Variants in PEDS1 observed in about 807,000 individuals in gnomAD.
The protein encoded by PEDS1 is CarF homolog.
In PEDS1, 14 loss-of-function variants were observed where a neutral mutation model predicts 35.2. The observed-to-expected ratio is 0.40, with a 90% CI of 0.26 to 0.62. The LOEUF is 0.62. PEDS1 is among the 20% of genes least tolerant of loss of function. The pLI, the probability that PEDS1 is intolerant of heterozygous loss-of-function variation, is 0.44. For missense variants in PEDS1, 260 were observed against 367.8 expected, an observed-to-expected ratio of 0.71 and a Z score of 2.40; for synonymous variants, 152 against 152.0, an observed-to-expected ratio of 1.00 and a Z score of 0.00.
chr20:50,153,608 C>A lies in PEDS1; in HGVS notation c.30G>T (p.Gln10His). ...CCTCGTCCTCGTCCAGCTCCAGCTG[C>A]TGGCCCGGCCAGTTCTCGGCGCCCG... MAGAENWPG[Q>H]QLELDEDEAS... is the part of the protein sequence containing the mutation. Residue 10 changes from glutamine (Q) to histidine (H), a missense_variant, in exon 1 of 6, where the codon CAG (glutamine) becomes CAT (histidine). Physicochemically the swap from Gln to His is conservative, Grantham distance 24. This residue lies in a region of PEDS1 where 114 missense variants were observed against 121.6 expected (regional missense o/e 0.94). Coordinates refer to ENST00000371652, the MANE Select transcript of PEDS1 (RefSeq NM_199129.4). 1 of 1,364,382 alleles carries A rather than the reference C, an allele frequency of 7.3e-7. No homozygotes were observed. 84.5% of individuals were successfully genotyped at this position (1,364,382 alleles called of 1,614,324 possible).
intron 2 of PEDS1, among the ~76,000 whole-genome samples, chr20:50,139,138 G>A (rs1192575498): frequency 2.6e-5 from 4 of 152,084 alleles, no homozygotes; most frequent in South Asian, 2.1e-4. Flanking sequence ...GACGGGCCAC[G>A]ACCCGAGCCT....
chr20:50,150,341 A>C (rs2081390178), intron 1 of PEDS1, among the ~76,000 whole-genome samples: 2 of 151,772 alleles, frequency 1.3e-5, no homozygotes, highest in Admixed American at 1.3e-4. Context: ...AACTTCTTCT[A>C]CTCTTCCCTC....
chr20:50,149,564 G>C (rs1376997005), intron 1 of PEDS1, among the ~76,000 whole-genome samples: 3 of 152,092 alleles, frequency 2.0e-5, no homozygotes, highest in Non-Finnish European at 4.4e-5. Flanking sequence ...ACGGCTCCTG[G>C]GTCCTGCAGG....
In PEDS1 at chr20:50,139,353, G is replaced by A. The variant is rs111858812; in HGVS notation, c.241+4149C>T. 2.4e-3 allele frequency among the ~76,000 whole-genome samples: 371 copies of A among 152,174 alleles called. 2 individuals are homozygous for A. The highest frequency in any genetic ancestry group is 6.8e-3 in the Middle Eastern group (2 of 294). ...CCACTCACTCACGACAACGATGTGC[G>A]TGTCACAGTGGCTGATGACCTCCAC... On this transcript the variant is annotated intron_variant, in intron 2 of 5. Coordinates refer to ENST00000371652, the MANE Select transcript of PEDS1 (RefSeq NM_199129.4).
At chr20:50,149,157 CAG>C (rs1394363795) in intron 1 of PEDS1, among the ~76,000 whole-genome samples, 2 of 152,042 alleles carry the variant, frequency 1.3e-5, no homozygotes, top group African/African-American at 2.4e-5. Context: ...AGATGAGAAA[CAG>C]AGACAAAAGG....
intron 2 of PEDS1, among the ~76,000 whole-genome samples, chr20:50,132,018 A>G (rs1034289556): frequency 6.6e-6 from 1 of 152,174 alleles, no homozygotes; most frequent in Non-Finnish European, 1.5e-5. Context: ...AGCCTGGCCA[A>G]CATGGTGAAA....
At chr20:50,125,302 A>G in intron 5 of PEDS1, 123 bp from the exon 6 acceptor site, 1 of 1,322,100 alleles carries the variant, frequency 7.6e-7, no homozygotes, top group Non-Finnish European at 1.0e-6. Flanking sequence ...AGGATAGGAC[A>G]CAGGGACCGG....
At chr20:50,149,317 G>A (rs988597467) in intron 1 of PEDS1, among the ~76,000 whole-genome samples, 1 of 152,056 alleles carries the variant, frequency 6.6e-6, no homozygotes, top group Non-Finnish European at 1.5e-5. Context: ...AGGGCAGGGG[G>A]CACCCACAGT....
chr20:50,143,641 G>C lies in PEDS1; in HGVS notation c.122-20C>G. 2 of 1,613,802 alleles carry C rather than the reference G, an allele frequency of 1.2e-6. No individual in the cohort carries two copies. The highest frequency in any genetic ancestry group is 2.7e-5 in the African/African-American group (2 of 75,014). ...GCTTGCCTGCAGGGAGCAGAGGCGA[G>C]AGGTAAAGGCTGGAAGGTCAAGGCC... On this transcript the variant is annotated intron_variant, in intron 1 of 5. Coordinates refer to ENST00000371652, the MANE Select transcript of PEDS1 (RefSeq NM_199129.4).
At chr20:50,140,472 A>T (rs761717200) in intron 2 of PEDS1, among the ~76,000 whole-genome samples, 6 of 152,188 alleles carry the variant, frequency 3.9e-5, no homozygotes, top group Non-Finnish European at 8.8e-5. Flanking sequence ...TCCTTTGATC[A>T]ATTTCCTCCA....
chr20:50,136,278 A>G (rs1240775144), intron 2 of PEDS1, among the ~76,000 whole-genome samples: 3 of 152,228 alleles, frequency 2.0e-5, no homozygotes, highest in Non-Finnish European at 4.4e-5. Flanking sequence ...TGAGCATAAT[A>G]AAAATTATAC....
At position 50,128,917 on chromosome 20, in the gene PEDS1, C is replaced by T. The variant is rs573352013; in HGVS notation, c.478+629G>A. Among the ~76,000 whole-genome samples, 1 of 152,322 alleles carries T rather than the reference C, an allele frequency of 6.6e-6. No individual in the cohort carries two copies. Among genetic ancestry groups the T allele is most frequent in the East Asian group, 1.9e-4 (1 of 5,186 alleles). ...CTCACAGAAGCAGGGGCTGGGTGCA[C>T]CCCCAGGGAAGGGGATGGGCAGGGT... On this transcript the variant is annotated intron_variant, in intron 4 of 5. Coordinates refer to ENST00000371652, the MANE Select transcript of PEDS1 (RefSeq NM_199129.4). The surrounding 1 kb of genome is among the most constrained non-coding windows in gnomAD (Gnocchi z 5.2).
At chr20:50,142,982 G>A (rs6091102) in intron 2 of PEDS1, among the ~76,000 whole-genome samples, 2,099 of 152,248 alleles carry the variant, frequency 0.014, 51 homozygotes, top group African/African-American at 0.046. Flanking sequence ...GGAAGCTGGG[G>A]CAGGTACACT....
At position 50,128,283 on chromosome 20, in the gene PEDS1, G is replaced by A. The variant is rs2081134083; in HGVS notation, c.479-96C>T. 6.8e-7 allele frequency: 1 copy of A among 1,465,942 alleles called. No homozygotes were observed. Among genetic ancestry groups the A allele is most frequent in the African/African-American group, 1.4e-5 (1 of 71,826 alleles). The allele number at this position is 1,465,942 out of a possible 1,614,324, so 90.8% of individuals were successfully genotyped here. On this transcript the variant is annotated intron_variant, in intron 4 of 5. Transcript: ENST00000371652. This position sits in a 1 kb window ranked among gnomAD's most constrained non-coding sequence, Gnocchi z 5.2. ...CACCACCTGCTCCTGGGCGGCTCCTGAGCTGGGCAAGCACCCAGGATTCTC... is the reference window on the plus strand; with the variant it reads ...CACCACCTGCTCCTGGGCGGCTCCTAAGCTGGGCAAGCACCCAGGATTCTC...
At chr20:50,135,305 C>A (rs1466987747) in intron 2 of PEDS1, among the ~76,000 whole-genome samples, 1 of 152,022 alleles carries the variant, frequency 6.6e-6, no homozygotes, top group Non-Finnish European at 1.5e-5. Flanking sequence ...ACAGCATTCC[C>A]AGAATACCTG....
intron 2 of PEDS1, among the ~76,000 whole-genome samples, chr20:50,138,475 C>T (rs2081258562): frequency 6.6e-6 from 1 of 152,206 alleles, no homozygotes; most frequent in African/African-American, 2.4e-5. Context: ...GTGGGTCCCA[C>T]GACACAGCAA....
chr20:50,152,498 G>A (rs190727188), intron 1 of PEDS1, among the ~76,000 whole-genome samples: 10 of 152,298 alleles, frequency 6.6e-5, no homozygotes, highest in African/African-American at 9.6e-5. Flanking sequence ...GGGGATATAG[G>A]GCCCTCCTGA....
Position 50,129,627 on chromosome 20 carries a change from T to A in PEDS1, c.397A>T (p.Ile133Phe). 3 of 1,614,094 alleles carry A rather than the reference T, an allele frequency of 1.9e-6. No individual in the cohort carries two copies. Among genetic ancestry groups the A allele is most frequent in the East Asian group, 2.2e-5 (1 of 44,878 alleles). Residue 133 changes from isoleucine to phenylalanine, a missense_variant, in exon 4 of 6, where the codon ATC (isoleucine) becomes TTC (phenylalanine). Physicochemically the swap from Ile to Phe is conservative, Grantham distance 21. Transcript: ENST00000371652. The surrounding 1 kb of genome is among the most constrained non-coding windows in gnomAD (Gnocchi z 4.2). ...AGGCAGTTGTCCCCGTTGGTCTCGA[T>A]GAAGTCGTGCCGTGTGATAGCTGTC... The part of the protein sequence containing the change: ...DPTAITRHDF[I>F]ETNGDNCLVT...
At position 50,129,756 on chromosome 20, in the gene PEDS1, C is replaced by G. The variant is rs6012848; in HGVS notation, c.334-66G>C. 1.2e-5 allele frequency: 19 copies of G among 1,589,222 alleles called. No individual in the cohort carries two copies. The highest frequency in any genetic ancestry group is 1.5e-5 in the Non-Finnish European group (17 of 1,167,714). On this transcript the variant is annotated intron_variant, in intron 3 of 5. Transcript: ENST00000371652. This position sits in a 1 kb window ranked among gnomAD's most constrained non-coding sequence, Gnocchi z 4.2. ...GTGGTCAGCTGCTCTCCACAGCCCC[C>G]TAAACACATTCACCCTGGGCTCACC...
Sources: gnomAD v4.1 joint callset for allele counts (sites outside exome capture counted in the v4.1 genomes callset) on GRCh38, gnomAD v4.1.1 for gene constraint, gnomAD v4.1.1 regional missense constraint, Gnocchi (gnomAD v3.1) non-coding constraint, MANE v1.5 for transcripts, NCBI Gene and HGNC (gene_info 2026-07-23, HGNC 2026-07-21) for gene names.